TPR: variants seen among roughly 807,000 people sequenced by gnomAD.
TPR encodes nucleoprotein TPR.
In TPR, 51 loss-of-function variants were observed where a neutral mutation model predicts 316.1. The observed-to-expected ratio is 0.16, with a 90% CI of 0.13 to 0.20. TPR has a LOEUF of 0.20. Among genes scored for constraint, TPR ranks in the 10% least tolerant of loss-of-function variants. TPR has a pLI of 1.00. For synonymous variants in TPR, 981 were observed against 914.7 expected, an observed-to-expected ratio of 1.07 and a Z score of -1.31; for missense variants, 2,272 against 2,754.8, an observed-to-expected ratio of 0.82 and a Z score of 3.92.
intron 33 of TPR, among the ~76,000 whole-genome samples, chr1:186,335,827 T>C (rs1658323106): frequency 1.3e-5 from 2 of 152,242 alleles, no homozygotes; most frequent in East Asian, 1.9e-4. Context: ...TATATTTCAA[T>C]GTATCATGCA....
In TPR at chr1:186,336,717, C is replaced by A. The variant is rs762026568; in HGVS notation, c.4507-23G>T. 19 of 1,601,208 alleles carry A rather than the reference C, an allele frequency of 1.2e-5. No individual in the cohort carries two copies. The East Asian group carries it at 3.8e-4, about 32-fold the overall frequency. On this transcript the variant is annotated intron_variant, in intron 32 of 50. Coordinates refer to ENST00000367478, the MANE Select transcript of TPR (RefSeq NM_003292.3). ...TGTCTTTAAAGGAAAACAAAGTATTCACCATGGAATTCAATCATTTCAATA... is the reference window on the plus strand; with the variant it reads ...TGTCTTTAAAGGAAAACAAAGTATTAACCATGGAATTCAATCATTTCAATA...
At position 186,312,051 on chromosome 1, in the gene TPR, CA is replaced by C; in HGVS notation, c.*1919del. 1.3e-6 allele frequency: 1 copy of C among 741,856 alleles called. No individual in the cohort carries two copies. The highest frequency in any genetic ancestry group is 2.3e-6 in the Non-Finnish European group (1 of 443,666). 46.0% of individuals were successfully genotyped at this position (741,856 alleles called of 1,614,324 possible). A position where few individuals can be genotyped will look rare whatever the true frequency, so the allele number is the denominator to read the frequency against. Reference sequence around the variant, plus strand: ...CTTGACTAATAGCCATTATTAATATCAATATATTATATGAAAAATGAGAACA... The same window carrying C: ...CTTGACTAATAGCCATTATTAATATCATATATTATATGAAAAATGAGAACA... On this transcript the variant is annotated 3_prime_UTR_variant, in exon 51 of 51. Coordinates refer to ENST00000367478, the MANE Select transcript of TPR (RefSeq NM_003292.3).
chr1:186,345,118 CACAT>C (rs1373499069), intron 24 of TPR, among the ~76,000 whole-genome samples: 1 of 151,924 alleles, frequency 6.6e-6, no homozygotes, highest in African/African-American at 2.4e-5. Context: ...ATACTGTGTG[CACAT>C]ACATACATAC....
intron 42 of TPR, among the ~76,000 whole-genome samples, chr1:186,324,305 G>C (rs1657854294): frequency 6.6e-6 from 1 of 152,110 alleles, no homozygotes; most frequent in African/African-American, 2.4e-5. Flanking sequence ...TTTTAATAAA[G>C]TAGACAAATT....
At chr1:186,348,193 C>A (rs983490147) in intron 21 of TPR, among the ~76,000 whole-genome samples, 1 of 152,116 alleles carries the variant, frequency 6.6e-6, no homozygotes, top group Non-Finnish European at 1.5e-5. Context: ...TCGCTAAATT[C>A]TTTTCCTAGC....
chr1:186,347,890 T>C (rs1010819596), intron 21 of TPR, among the ~76,000 whole-genome samples: 1 of 152,162 alleles, frequency 6.6e-6, no homozygotes, highest in Non-Finnish European at 1.5e-5. Flanking sequence ...AATAATACTT[T>C]TATAATTTCT....
Position 186,312,883 on chromosome 1 carries a change from C to G in TPR, c.*1088G>C, listed in dbSNP as rs745367093. ...AAACCTGACGGCTATGATTACTATGCCTTTTCTAAAGGTAAGGTATTAACT... is the reference window on the plus strand; with the variant it reads ...AAACCTGACGGCTATGATTACTATGGCTTTTCTAAAGGTAAGGTATTAACT... On this transcript the variant is annotated 3_prime_UTR_variant, in exon 51 of 51. Transcript: ENST00000367478. The G allele has an allele frequency of 3.7e-6, 6 of 1,612,012 alleles. No individual in the cohort carries two copies. The highest frequency in any genetic ancestry group is 4.2e-6 in the Non-Finnish European group (5 of 1,178,258).
chr1:186,345,515 T>C (rs1231751495), intron 24 of TPR, 65 bp downstream of exon 24: 1 of 1,308,946 alleles, frequency 7.6e-7, no homozygotes, highest in Non-Finnish European at 1.1e-6. Flanking sequence ...TTATAATGCA[T>C]AAATATACTT....
At chr1:186,331,845 T>C (rs1658177410) in intron 38 of TPR, among the ~76,000 whole-genome samples, 2 of 152,076 alleles carry the variant, frequency 1.3e-5, no homozygotes, top group Admixed American at 1.3e-4. Context: ...TACAATTTAA[T>C]CTTAACCACA....
intron 46 of TPR, 54 bp from the exon 47 acceptor site, chr1:186,318,882 A>C: frequency 1.3e-6 from 2 of 1,542,812 alleles, no homozygotes; most frequent in South Asian, 2.3e-5. Flanking sequence ...AAAATTATCA[A>C]CAAGTCAGGG....
Position 186,361,840 on chromosome 1 carries a change from C to G in TPR, c.819G>C (p.Glu273Asp). Residue 273 changes from glutamate (E) to aspartate (D), a missense_variant, in exon 8 of 51, where the codon GAG becomes GAC. Glu to Asp is a conservative substitution (Grantham distance 45). Around this residue, in one of 10 missense-constraint regions of TPR, gnomAD observed 549 missense variants for 598.6 expected, o/e 0.92. Coordinates refer to ENST00000367478, the MANE Select transcript of TPR (RefSeq NM_003292.3). ...EAKEQQASME[E>D]KFHNELNAHI... The stretch of plus-strand genomic sequence containing the variant: ...GGGCATTTAATTCATTGTGGAATTT[C>G]TCTTCCATACTGGCCTGTTGTTCCT... The G allele has an allele frequency of 1.2e-6, 2 of 1,612,978 alleles. No homozygotes were observed. Among genetic ancestry groups the G allele is most frequent in the Non-Finnish European group, 1.7e-6 (2 of 1,179,234 alleles).
chr1:186,369,484 C>T (rs1057322262), intron 3 of TPR, among the ~76,000 whole-genome samples: 1 of 151,610 alleles, frequency 6.6e-6, no homozygotes, highest in Non-Finnish European at 1.5e-5. Flanking sequence ...AAATTTATTC[C>T]TAAGTTGTTT....
chr1:186,345,733 T>A (rs780090051), intron 23 of TPR, 37 bp from the exon 24 acceptor site: 1 of 1,445,122 alleles, frequency 6.9e-7, no homozygotes, highest in South Asian at 1.2e-5. Flanking sequence ...CAAAATTAAT[T>A]GCAAACTTAC....
chr1:186,362,119 T>C (rs1659210870), intron 7 of TPR, among the ~76,000 whole-genome samples, 169 bp downstream of exon 7: 2 of 152,008 alleles, frequency 1.3e-5, no homozygotes, highest in African/African-American at 4.8e-5. Context: ...ATATAACATA[T>C]AATTGCTATT....
intron 3 of TPR, among the ~76,000 whole-genome samples, chr1:186,369,560 G>A (rs894632748): frequency 1.3e-5 from 2 of 151,852 alleles, no homozygotes; most frequent in African/African-American, 4.8e-5. Context: ...TTTGTGTATA[G>A]AAATGCTACT....
chr1:186,363,057 A>G (rs1477348738), intron 5 of TPR, 56 bp from the exon 6 acceptor site: 1 of 1,530,452 alleles, frequency 6.5e-7, no homozygotes, highest in Non-Finnish European at 8.7e-7. Context: ...TGATTATTCA[A>G]AAGATTTTGT....
intron 33 of TPR, among the ~76,000 whole-genome samples, chr1:186,336,167 A>G (rs754881400): frequency 1.2e-4 from 18 of 152,124 alleles, no homozygotes; most frequent in Non-Finnish European, 2.5e-4. Flanking sequence ...TGCAGTCTAC[A>G]TAAGGTTTCT....
intron 17 of TPR, 106 bp from the exon 18 acceptor site, chr1:186,353,956 A>G: frequency 1.0e-6 from 1 of 981,822 alleles, no homozygotes; most frequent in Non-Finnish European, 1.5e-6. Flanking sequence ...TGCCCTGAGA[A>G]TATTGTCTCT....
chr1:186,342,440 A>T (rs980764661), intron 27 of TPR: 3 of 152,228 alleles, frequency 2.0e-5, no homozygotes, highest in African/African-American at 7.2e-5. Flanking sequence ...AACAATATGC[A>T]GTCTTTGTTA....
Sources: gnomAD v4.1 joint callset for allele counts (sites outside exome capture counted in the v4.1 genomes callset) on GRCh38, gnomAD v4.1.1 for gene constraint, gnomAD v4.1.1 regional missense constraint, MANE v1.5 for transcripts, NCBI Gene and HGNC (gene_info 2026-07-23, HGNC 2026-07-21) for gene names.